Variants in TJP1 observed in about 807,000 individuals in gnomAD.
TJP1 encodes tight junction protein 1, also known as tight junction protein ZO-1.
In TJP1, 43 loss-of-function variants were observed where a neutral mutation model predicts 194.2. That is an observed-to-expected ratio of 0.22 (90% CI 0.17 to 0.29). The LOEUF (loss-of-function observed/expected upper bound fraction) is 0.29, where lower values mean the gene tolerates loss of function less well. Among genes scored for constraint, TJP1 ranks in the 10% least tolerant of loss-of-function variants. The pLI, the probability that TJP1 is intolerant of heterozygous loss-of-function variation, is 1.00. For missense variants in TJP1, 1,971 were observed against 2,185.7 expected, an observed-to-expected ratio of 0.90 and a Z score of 1.96; for synonymous variants, 801 against 779.0, an observed-to-expected ratio of 1.03 and a Z score of -0.47.
chr15:29,941,619 T>C (rs1033000193), intron 2 of TJP1, among the ~76,000 whole-genome samples: 3 of 152,118 alleles, frequency 2.0e-5, no homozygotes, highest in African/African-American at 7.2e-5. Context: ...AACAAAGTCA[T>C]ATGAGTCCTT....
At chr15:29,850,636 A>C (rs932609076) in intron 2 of TJP1, among the ~76,000 whole-genome samples, 1 of 151,688 alleles carries the variant, frequency 6.6e-6, no homozygotes, top group African/African-American at 2.4e-5. Flanking sequence ...CGCCCAGCCA[A>C]ATGTTTATTG....
intron 2 of TJP1, among the ~76,000 whole-genome samples, chr15:29,909,901 T>C (rs1719040): frequency 0.26 from 39,135 of 152,078 alleles, 5,294 homozygotes; most frequent in Middle Eastern, 0.34. Flanking sequence ...GAGGCAGAGG[T>C]GGGAAACCAA....
At position 29,742,693 on chromosome 15, in the gene TJP1, C is replaced by T. The variant is rs1297875605; in HGVS notation, c.1099G>A (p.Val367Met). The change falls in exon 9 of 28, where the codon GTG (valine) becomes ATG (methionine). Residue 367 changes from valine (V) to methionine (M), a missense_variant. Around this residue, in one of 5 missense-constraint regions of TJP1, gnomAD observed 192 missense variants for 182.3 expected, o/e 1.05. Transcript: ENST00000614355. Reference protein sequence around the residue: ...KHADDHTPKTVEEVTVERNEK... With the variant: ...KHADDHTPKTMEEVTVERNEK... Reference sequence around the variant, plus strand: ...TTTCTTTCAACTGTAACTTCTTCCACTGTTTTAGGTGTGTGATCATCAGCA... The same window carrying T: ...TTTCTTTCAACTGTAACTTCTTCCATTGTTTTAGGTGTGTGATCATCAGCA... 6.3e-7 allele frequency: 1 copy of T among 1,590,652 alleles called. No homozygotes were observed.
intron 8 of TJP1, 148 bp from the exon 9 acceptor site, chr15:29,742,929 T>A (rs2044520451): frequency 1.6e-6 from 1 of 616,070 alleles, no homozygotes. Context: ...AACCTAGTAA[T>A]TAAAAATAGA....
chr15:29,723,166 G>A (rs114105889), intron 18 of TJP1, among the ~76,000 whole-genome samples: 3,626 of 152,218 alleles, frequency 0.024, 152 homozygotes, highest in African/African-American at 0.082. Flanking sequence ...TTTGCAATGT[G>A]AGAAGGACAT....
intron 2 of TJP1, among the ~76,000 whole-genome samples, chr15:29,890,910 C>G (rs146631426): frequency 5.1e-4 from 78 of 152,246 alleles, no homozygotes; most frequent in African/African-American, 1.8e-3. Context: ...CCCGGTGAAG[C>G]CTGCATAGAG....
intron 2 of TJP1, among the ~76,000 whole-genome samples, chr15:29,781,706 G>C (rs1423993331): frequency 6.6e-6 from 1 of 152,126 alleles, no homozygotes; most frequent in Non-Finnish European, 1.5e-5. Context: ...CAGAACTAAA[G>C]ACAAAAACCA....
At chr15:29,899,869 T>C (rs903208845) in intron 2 of TJP1, among the ~76,000 whole-genome samples, 3 of 152,206 alleles carry the variant, frequency 2.0e-5, no homozygotes, top group Admixed American at 2.0e-4. Context: ...GAAATATTTA[T>C]TTACATTTTG....
chr15:29,963,748 G>A (rs147061331), intron 1 of TJP1, among the ~76,000 whole-genome samples: 3,249 of 152,200 alleles, frequency 0.021, 98 homozygotes, highest in African/African-American at 0.075. Flanking sequence ...CCACCTCCTG[G>A]GTTCAAGCGA....
intron 18 of TJP1, among the ~76,000 whole-genome samples, chr15:29,721,318 T>C (rs902886921): frequency 6.6e-6 from 1 of 152,184 alleles, no homozygotes; most frequent in Non-Finnish European, 1.5e-5. Flanking sequence ...ACCATCTCCC[T>C]CACACAGTCT....
chr15:29,841,238 T>C (rs1239931043), intron 2 of TJP1, among the ~76,000 whole-genome samples: 1 of 152,114 alleles, frequency 6.6e-6, no homozygotes, highest in South Asian at 2.1e-4. Flanking sequence ...CCCGTGTCCT[T>C]ATGTAACCTA....
chr15:29,878,043 T>TTTTG (rs143647950), intron 2 of TJP1, among the ~76,000 whole-genome samples: 26,096 of 151,186 alleles, frequency 0.17, 2,330 homozygotes, highest in South Asian at 0.27. Flanking sequence ...AAAGTATAGT[T>TTTTG]TTTGTTTGTT....
rs778796061 is a variant in TJP1 at position 29,733,105 on chromosome 15, A to C, written c.1725T>G (p.Pro575=). ...NHKEVERGII[P]NKNRAEQLAS... ...CCAAGCATTCATACCTGTTCTTATT[A>C]GGGATGATGCCTCGTTCTACCTCCT... Residue 575 remains proline, a synonymous_variant, in exon 13 of 28, where the codon CCT becomes CCG. Transcript: ENST00000614355. The C allele has an allele frequency of 1.2e-6, 2 of 1,613,758 alleles. No homozygotes were observed. The highest frequency in any genetic ancestry group is 2.7e-5 in the African/African-American group (2 of 74,914).
chr15:29,717,320 A>T (rs1050334475), intron 22 of TJP1, among the ~76,000 whole-genome samples: 1 of 152,244 alleles, frequency 6.6e-6, no homozygotes, highest in Non-Finnish European at 1.5e-5. Flanking sequence ...GCAGATGAGG[A>T]AGAAAGCAAG....
chr15:29,826,927 G>A (rs142479981), upstream of TJP1, among the ~76,000 whole-genome samples: 1 of 152,278 alleles, frequency 6.6e-6, no homozygotes, highest in East Asian at 1.9e-4. Flanking sequence ...TGGGGCCTCT[G>A]CTCTCACAGG....
At chr15:29,930,245 T>G (rs1005383816) in intron 2 of TJP1, among the ~76,000 whole-genome samples, 2 of 152,164 alleles carry the variant, frequency 1.3e-5, no homozygotes, top group Non-Finnish European at 1.5e-5. Context: ...CCAACTCATA[T>G]AATGAAGCTA....
At chr15:29,771,980 T>A in intron 4 of TJP1, 84 bp downstream of exon 4, 3 of 853,032 alleles carry the variant, frequency 3.5e-6, no homozygotes, top group Non-Finnish European at 5.4e-6. Flanking sequence ...TTTCCTTAAA[T>A]GGGAAGGATA....
At chr15:29,788,193 A>G (rs1475043025) in intron 2 of TJP1, among the ~76,000 whole-genome samples, 1 of 152,162 alleles carries the variant, frequency 6.6e-6, no homozygotes, top group East Asian at 1.9e-4. Context: ...AGTTCTTTAT[A>G]TATTCTAGAA....
intron 2 of TJP1, among the ~76,000 whole-genome samples, chr15:29,847,168 T>C (rs1339732713): frequency 6.6e-6 from 1 of 151,994 alleles, no homozygotes; most frequent in Non-Finnish European, 1.5e-5. Context: ...AGTGGCATGA[T>C]CACGGCTCAC....
Sources: allele counts gnomAD v4.1 joint callset (sites outside exome capture counted in the v4.1 genomes callset), GRCh38; gene constraint gnomAD v4.1.1; regional missense constraint gnomAD v4.1.1; transcripts MANE v1.5; gene names NCBI Gene and HGNC (gene_info 2026-07-23, HGNC 2026-07-21).